The following KCNIP1 variants were observed in gnomAD, a reference collection of about 807,000 sequenced individuals.
The protein encoded by KCNIP1 is potassium voltage-gated channel interacting protein 1, also known as A-type potassium channel modulatory protein KCNIP1.
Under a neutral mutation model 33.0 loss-of-function variants are expected in KCNIP1, and 18 were observed. The observed-to-expected ratio is 0.55, with a 90% CI of 0.38 to 0.81. KCNIP1 has a LOEUF of 0.81. Ranked by LOEUF, KCNIP1 falls within the 30% of genes least tolerant of loss-of-function variation. KCNIP1 has a pLI of 0.00. For synonymous variants in KCNIP1, 93 were observed against 98.3 expected (o/e 0.95, Z 0.32); for missense variants, 238 against 271.6 (o/e 0.88, Z 0.87).
intron 1 of KCNIP1, among the ~76,000 whole-genome samples, chr5:170,664,825 T>C (rs1228983778): frequency 6.6e-6 from 1 of 152,150 alleles, no homozygotes; most frequent in Non-Finnish European, 1.5e-5. Flanking sequence ...GGGGCATTGA[T>C]GTTTTAGACA....
chr5:170,419,434 A>T (rs2113423747), intron 1 of KCNIP1, among the ~76,000 whole-genome samples: 1 of 152,324 alleles, frequency 6.6e-6, no homozygotes, highest in South Asian at 2.1e-4. Flanking sequence ...CTACCCATGG[A>T]AGAAGGAAGA....
At position 170,455,287 on chromosome 5, in the gene KCNIP1, C is replaced by CTCCCCT. The variant is rs549192722; in HGVS notation, c.88+101344_88+101349dup. Among the ~76,000 whole-genome samples the CTCCCCT allele has an allele frequency of 1.8e-4, 27 of 152,140 alleles. No individual in the cohort carries two copies. The East Asian group carries it at 3.1e-3, about 17-fold the overall frequency. On this transcript the variant is annotated intron_variant, in intron 1 of 7. Transcript: ENST00000377360. ...CTTCCTCCTCCTACTTCTCCTCCTCCTCCCCTTCCCCTTCCCCTTCCCCTT... is the reference window on the plus strand; with the variant it reads ...CTTCCTCCTCCTACTTCTCCTCCTCCTCCCCTTCCCCTTCCCCTTCCCCTTCCCCTT...
chr5:170,387,707 G>A (rs796681605), intron 1 of KCNIP1, among the ~76,000 whole-genome samples: 1 of 152,170 alleles, frequency 6.6e-6, no homozygotes, highest in Non-Finnish European at 1.5e-5. Context: ...CTGTGATCTT[G>A]TGGGAATGGG....
chr5:170,594,747 G>A (rs1406767411), intron 1 of KCNIP1, among the ~76,000 whole-genome samples: 1 of 152,140 alleles, frequency 6.6e-6, no homozygotes, highest in Non-Finnish European at 1.5e-5. Flanking sequence ...CTGACCTCAG[G>A]TGATCCACCC....
At chr5:170,648,193 G>T (rs1421710561) in intron 1 of KCNIP1, among the ~76,000 whole-genome samples, 1 of 152,210 alleles carries the variant, frequency 6.6e-6, no homozygotes, top group African/African-American at 2.4e-5. Context: ...GTGCAAAACA[G>T]TACAGCTGCT....
intron 1 of KCNIP1, among the ~76,000 whole-genome samples, chr5:170,412,271 A>C (rs984245832): frequency 9.9e-5 from 15 of 151,926 alleles, no homozygotes; most frequent in African/African-American, 3.6e-4. Flanking sequence ...TCTGTGGGAG[A>C]AGCAAGTAGA....
intron 1 of KCNIP1, among the ~76,000 whole-genome samples, chr5:170,633,732 A>ACGGAGGGGGGGG (rs1760165240): frequency 3.8e-4 from 1 of 2,608 alleles, no homozygotes; most frequent in Non-Finnish European, 7.3e-4. Flanking sequence ...GGAGGGGGGG[A>ACGGAGGGGGGGG]CGGAGGGGGG....
At chr5:170,462,970 G>A (rs991067064) in intron 1 of KCNIP1, among the ~76,000 whole-genome samples, 2 of 152,164 alleles carry the variant, frequency 1.3e-5, no homozygotes. Flanking sequence ...GACTCAGGGG[G>A]AGAGGGTGGG....
intron 1 of KCNIP1, among the ~76,000 whole-genome samples, chr5:170,532,781 T>A (rs759474120): frequency 2.6e-5 from 4 of 152,090 alleles, no homozygotes; most frequent in Non-Finnish European, 5.9e-5. Flanking sequence ...AGGGTCACAG[T>A]CCCTCACAGT....
At chr5:170,584,319 A>G (rs1232243612) in intron 1 of KCNIP1, among the ~76,000 whole-genome samples, 2 of 152,190 alleles carry the variant, frequency 1.3e-5, no homozygotes, top group Non-Finnish European at 2.9e-5. Flanking sequence ...TGCTTCCTTA[A>G]TGTAGGCTTA....
chr5:170,606,654 G>C (rs1474502504), intron 1 of KCNIP1, among the ~76,000 whole-genome samples: 1 of 152,152 alleles, frequency 6.6e-6, no homozygotes, highest in East Asian at 1.9e-4. Flanking sequence ...GGCAGGCCGT[G>C]AGACCTGTCT....
intron 1 of KCNIP1, among the ~76,000 whole-genome samples, chr5:170,480,669 C>T (rs893883293): frequency 3.3e-5 from 5 of 151,982 alleles, no homozygotes; most frequent in African/African-American, 1.2e-4. Flanking sequence ...GTCTCAAACT[C>T]CCAGGATCAA....
intron 4 of KCNIP1, among the ~76,000 whole-genome samples, 176 bp from the exon 5 acceptor site, chr5:170,722,537 C>A (rs1763862865): frequency 6.6e-6 from 1 of 151,838 alleles, no homozygotes; most frequent in South Asian, 2.1e-4. Flanking sequence ...AAAAATGGGG[C>A]AGGGTAGGGA....
chr5:170,385,985 G>C (rs1241479403), intron 1 of KCNIP1, among the ~76,000 whole-genome samples: 2 of 151,844 alleles, frequency 1.3e-5, no homozygotes, highest in Non-Finnish European at 2.9e-5. Context: ...AATTAGCCGG[G>C]TGTGGTCGTG....
intron 1 of KCNIP1, among the ~76,000 whole-genome samples, chr5:170,451,359 T>C (rs972845239): frequency 1.3e-5 from 2 of 152,172 alleles, no homozygotes; most frequent in Non-Finnish European, 2.9e-5. Context: ...TACTGCCTGA[T>C]GGCATCCAAT....
At chr5:170,636,320 AG>A (rs1455218462) in intron 1 of KCNIP1, among the ~76,000 whole-genome samples, 1 of 152,016 alleles carries the variant, frequency 6.6e-6, no homozygotes, top group South Asian at 2.1e-4. Context: ...CTGAGCCCTG[AG>A]GGGGGCAGAA....
At chr5:170,520,047 A>G (rs893711218) in intron 1 of KCNIP1, among the ~76,000 whole-genome samples, 1 of 152,064 alleles carries the variant, frequency 6.6e-6, no homozygotes, top group African/African-American at 2.4e-5. Flanking sequence ...TTCTAGTACC[A>G]CCCTGCGACT....
At chr5:170,356,782 G>T (rs1048209318) in intron 1 of KCNIP1, among the ~76,000 whole-genome samples, 1 of 152,188 alleles carries the variant, frequency 6.6e-6, no homozygotes, top group African/African-American at 2.4e-5. Flanking sequence ...GCACCGCACG[G>T]CACAGACACC....
chr5:170,706,232 G>A (rs777727356), intron 1 of KCNIP1, among the ~76,000 whole-genome samples: 15 of 152,210 alleles, frequency 9.9e-5, no homozygotes, highest in Non-Finnish European at 1.6e-4. Flanking sequence ...GTGGATTACA[G>A]GGCCTAAGCC....
Sources: allele counts gnomAD v4.1 joint callset (sites outside exome capture counted in the v4.1 genomes callset), GRCh38; gene constraint gnomAD v4.1.1; transcripts MANE v1.5; gene names NCBI Gene and HGNC (gene_info 2026-07-23, HGNC 2026-07-21).